The following DNAH14 variants were observed in gnomAD, a reference collection of about 807,000 sequenced individuals.
DNAH14 encodes dynein axonemal heavy chain 14, also known as axonemal beta dynein heavy chain 14.
Under a neutral mutation model 520.9 loss-of-function variants are expected in DNAH14, and 478 were observed. That is an observed-to-expected ratio of 0.92 (90% confidence interval 0.85 to 0.99). The LOEUF is 0.99. Among genes scored for constraint, DNAH14 ranks in the 50% least tolerant of loss-of-function variants. The probability of loss-of-function intolerance (pLI) is 0.00; values close to 1 mark genes in which losing one functional copy is unlikely to be tolerated. For missense variants in DNAH14, 4,831 were observed against 5,234.5 expected (o/e 0.92, Z 2.38); for synonymous variants, 1,581 against 1,757.2 (o/e 0.90, Z 2.51).
Position 225,270,785 on chromosome 1 carries a change from T to C in DNAH14, c.7590T>C (p.Asp2530=), listed in dbSNP as rs765732514. 64 of 1,551,332 alleles carry C rather than the reference T, an allele frequency of 4.1e-5. No individual in the cohort carries two copies. Among genetic ancestry groups the C allele is most frequent in the Non-Finnish European group, 5.4e-5 (62 of 1,146,762 alleles). The part of the protein sequence containing the change: ...IVAACVPVVN[D]ISPRLLKHFS... ...CAGCTTGTGTTCCAGTTGTGAATGA[T>C]ATCAGCCCACGTCTTCTCAAACACT... Residue 2530 remains aspartate (D), a synonymous_variant, in exon 50 of 86, where the codon GAT becomes GAC. Coordinates refer to ENST00000682510, the MANE Select transcript of DNAH14 (RefSeq NM_001367479.1).
Position 225,023,652 on chromosome 1 carries a change from CA to C in DNAH14, c.1149del (p.Lys383AsnfsTer19). 6.5e-7 allele frequency: 1 copy of C among 1,544,532 alleles called. No individual in the cohort carries two copies. Among genetic ancestry groups the C allele is most frequent in the Non-Finnish European group, 8.7e-7 (1 of 1,142,900 alleles). ...EKNEIKEYFE[S>X]KLSEDDTTHF... The stretch of plus-strand genomic sequence containing the variant: ...AATGAAATCAAAGAGTATTTTGAGT[CA>C]AAACTCTCTGAAGATGACACAACAC... On this transcript the variant is annotated frameshift_variant, in exon 11 of 86. Coordinates refer to ENST00000682510, the MANE Select transcript of DNAH14 (RefSeq NM_001367479.1). LOFTEE classifies it high-confidence loss of function.
At chr1:225,338,288 G>T in intron 68 of DNAH14, 106 bp downstream of exon 68, 1 of 1,332,792 alleles carries the variant, frequency 7.5e-7, no homozygotes, top group Non-Finnish European at 1.1e-6. Flanking sequence ...GGAGGAAAAA[G>T]TAAGATTGTC....
At chr1:225,237,569 A>T (rs1036100659) in intron 42 of DNAH14, among the ~76,000 whole-genome samples, 4 of 152,082 alleles carry the variant, frequency 2.6e-5, no homozygotes, top group Admixed American at 2.0e-4. Flanking sequence ...ACCTTGGAGA[A>T]TCTGATGTTT....
chr1:225,331,369 A>C, intron 64 of DNAH14, 68 bp from the exon 65 acceptor site: 1 of 1,439,320 alleles, frequency 6.9e-7, no homozygotes, highest in Middle Eastern at 2.0e-4. Context: ...TATATAAATG[A>C]CAGCTAAAGT....
chr1:225,023,542 A>T (rs1026065598), intron 10 of DNAH14, 73 bp from the exon 11 acceptor site: 5 of 1,283,864 alleles, frequency 3.9e-6, no homozygotes, highest in Non-Finnish European at 4.1e-6. Context: ...TGATAAAAAA[A>T]ACTAAACTAG....
rs1320547163 is a variant in DNAH14, at chr1:225,051,587, C to G, written c.2216C>G (p.Thr739Ser). 6.4e-7 allele frequency: 1 copy of G among 1,550,964 alleles called. No homozygotes were observed. Among genetic ancestry groups the G allele is most frequent in the East Asian group, 2.5e-5 (1 of 40,784 alleles). Reference protein sequence around the residue: ...SMKISSMGELTSKEFEAILNR... With the variant: ...SMKISSMGELSSKEFEAILNR... ...AAAATATCATCTATGGGAGAATTAA[C>G]TTCAAAAGAATTTGAAGCTATTCTA... Residue 739 changes from threonine to serine, a missense_variant, in exon 17 of 86, where the codon ACT (threonine) becomes AGT (serine). Coordinates refer to ENST00000682510, the MANE Select transcript of DNAH14 (RefSeq NM_001367479.1).
In DNAH14 at chr1:225,043,730, A is replaced by G. The variant is rs113700883; in HGVS notation, c.1769-14A>G. ...AATTTTGTATTTTCTCTTTCTTTCA[A>G]TGGATTCTAATAGACACAGAAATTG... On this transcript the variant is annotated splice_polypyrimidine_tract_variant and intron_variant, in intron 13 of 85. Transcript: ENST00000682510. The G allele has an allele frequency of 4.2e-6, 6 of 1,444,780 alleles. No homozygotes were observed. The highest frequency in any genetic ancestry group is 3.8e-5 in the South Asian group (3 of 79,844). The allele number at this position is 1,444,780 out of a possible 1,614,324, so 89.5% of individuals were successfully genotyped here.
intron 11 of DNAH14, among the ~76,000 whole-genome samples, chr1:225,032,864 G>A (rs2066637063): frequency 6.6e-6 from 1 of 151,902 alleles, no homozygotes; most frequent in African/African-American, 2.4e-5. Context: ...ATGCTTATTG[G>A]CTGCTGTATG....
In DNAH14 at chr1:225,324,848, C is replaced by A; in HGVS notation, c.9723+16C>A. ...TTTACAGCTGGTAAGAAATACAGTT[C>A]AGTTCTCAAAATAAGACAAAACACC... is the stretch of plus-strand genomic sequence containing the variant. On this transcript the variant is annotated intron_variant, in intron 64 of 85. Coordinates refer to ENST00000682510, the MANE Select transcript of DNAH14 (RefSeq NM_001367479.1). 6.5e-7 allele frequency: 1 copy of A among 1,540,708 alleles called. No homozygotes were observed. Among genetic ancestry groups the A allele is most frequent in the Non-Finnish European group, 8.8e-7 (1 of 1,137,758 alleles).
intron 1 of DNAH14, among the ~76,000 whole-genome samples, chr1:224,949,519 C>T (rs1164560020): frequency 6.6e-6 from 1 of 152,106 alleles, no homozygotes; most frequent in African/African-American, 2.4e-5. Flanking sequence ...TGATTTATTA[C>T]TTTATTCTTT....
Position 224,992,122 on chromosome 1 carries a change from C to T in DNAH14, c.831-10661C>T, listed in dbSNP as rs188334855. The stretch of plus-strand genomic sequence containing the variant: ...TCTGATTTTTTTTTCTGGCCAATAT[C>T]GTGCTGTTTTAATTGCTATAGATTT... On this transcript the variant is annotated intron_variant, in intron 8 of 85. Transcript: ENST00000682510. Among the ~76,000 whole-genome samples the T allele has an allele frequency of 3.1e-3, 468 of 152,030 alleles. 3 individuals are homozygous for T. The highest frequency in any genetic ancestry group is 0.011 in the African/African-American group (442 of 41,484).
In DNAH14 at chr1:225,308,375, G is replaced by A. The variant is rs1241291488; in HGVS notation, c.9205G>A (p.Ala3069Thr). The A allele has an allele frequency of 1.3e-6, 2 of 1,540,354 alleles. No individual in the cohort carries two copies. The highest frequency in any genetic ancestry group is 1.7e-6 in the Non-Finnish European group (2 of 1,144,020). ...MLVKQDEEIVAEEVRIVEDYA... is the reference protein window; with the variant it reads ...MLVKQDEEIVTEEVRIVEDYA... ...TGTTAAACAGGATGAAGAAATTGTG[G>A]CAGAAGAAGTAAGAATTGTGGAAGA... Residue 3069 changes from alanine (A) to threonine (T), a missense_variant, in exon 60 of 86, where the codon GCA becomes ACA. By Grantham distance (58) the Ala-to-Thr change is moderately conservative. Coordinates refer to ENST00000682510, the MANE Select transcript of DNAH14 (RefSeq NM_001367479.1).
chr1:225,280,788 T>TACAGCTGACTTCTTATCAG (rs2093611865), intron 54 of DNAH14, among the ~76,000 whole-genome samples: 1 of 152,150 alleles, frequency 6.6e-6, no homozygotes, highest in Admixed American at 6.5e-5. Flanking sequence ...CAATAAGATT[T>TACAGCTGACTTCTTATCAG]ACAGCTGACT....
At position 225,148,396 on chromosome 1, in the gene DNAH14, CTTTT is replaced by C. The variant is rs560233312; in HGVS notation, c.4940+1167_4940+1170del. Among the ~76,000 whole-genome samples the C allele has an allele frequency of 9.5e-3, 911 of 96,364 alleles. 2 individuals are homozygous for C. The highest frequency in any genetic ancestry group is 0.013 in the Non-Finnish European group (705 of 53,350). The allele number at this position is 96,364 out of a possible 152,430, so 63.2% of individuals were successfully genotyped here. A position where few individuals can be genotyped will look rare whatever the true frequency, so the allele number is the denominator to read the frequency against. On this transcript the variant is annotated intron_variant, in intron 31 of 85. Coordinates refer to ENST00000682510, the MANE Select transcript of DNAH14 (RefSeq NM_001367479.1). ...TTCTCTAATGATCAGTAATGTTGAG[CTTTT>C]TTTTTTTTTTTTTTTTTTTGAGTCG...
rs904772123 is a variant in DNAH14 at position 225,251,841 on chromosome 1, A to G, written c.6749-460A>G. 3.3e-5 allele frequency among the ~76,000 whole-genome samples: 5 copies of G among 152,192 alleles called. 1 individual carries two copies. The highest frequency in any genetic ancestry group is 9.7e-5 in the African/African-American group (4 of 41,442). On this transcript the variant is annotated intron_variant, in intron 43 of 85. Transcript: ENST00000682510. ...TATATGAAATACTAATACTGTTATT[A>G]TCTTATAGTGAATCCATGGCTAAAT...
At chr1:225,323,245 A>G (rs2094588531) in intron 62 of DNAH14, among the ~76,000 whole-genome samples, 1 of 152,202 alleles carries the variant, frequency 6.6e-6, no homozygotes, top group African/African-American at 2.4e-5. Flanking sequence ...CAGAAGGAAG[A>G]GGATGGTATT....
At chr1:225,329,270 G>A (rs1558402486) in intron 64 of DNAH14, among the ~76,000 whole-genome samples, 1 of 152,132 alleles carries the variant, frequency 6.6e-6, no homozygotes, top group African/African-American at 2.4e-5. Context: ...CCCTTTTAAG[G>A]GAAGGGCCAA....
intron 46 of DNAH14, among the ~76,000 whole-genome samples, chr1:225,259,868 C>T (rs2092872474): frequency 6.6e-6 from 1 of 152,124 alleles, no homozygotes; most frequent in Admixed American, 6.5e-5. Context: ...CAGGTTCATC[C>T]ATGTTGTTAC....
intron 81 of DNAH14, among the ~76,000 whole-genome samples, chr1:225,384,238 A>G (rs1306175094): frequency 1.3e-5 from 2 of 152,196 alleles, no homozygotes; most frequent in Non-Finnish European, 2.9e-5. Context: ...AGAGTTCTGT[A>G]GATGTCTATT....
Sources: allele counts gnomAD v4.1 joint callset (sites outside exome capture counted in the v4.1 genomes callset), GRCh38; gene constraint gnomAD v4.1.1; transcripts MANE v1.5; gene names NCBI Gene and HGNC (gene_info 2026-07-23, HGNC 2026-07-21).